The following TTC34 variants were observed in gnomAD, a reference collection of about 807,000 sequenced individuals.
The protein encoded by TTC34 is tetratricopeptide repeat domain 34, also known as tetratricopeptide repeat protein 34.
A neutral mutation model predicts 40.7 loss-of-function variants in TTC34; 44 were observed. The ratio of observed to expected loss-of-function variants is 1.08; its 90% confidence interval spans 0.85 to 1.39. The LOEUF (loss-of-function observed/expected upper bound fraction) is 1.39, where lower values mean the gene tolerates loss of function less well. Ranked by LOEUF, TTC34 falls within the 40% of genes most tolerant of loss-of-function variation. TTC34 has a pLI of 0.00. For missense variants in TTC34, 884 were observed against 838.0 expected, an observed-to-expected ratio of 1.05 and a Z score of -0.68; for synonymous variants, 422 against 398.6, an observed-to-expected ratio of 1.06 and a Z score of -0.70.
chr1:2,698,718 G>A (rs1162897338), intron 6 of TTC34, among the ~76,000 whole-genome samples: 1 of 133,528 alleles, frequency 7.5e-6, no homozygotes, highest in Non-Finnish European at 1.6e-5. Context: ...GCCTGGAGCA[G>A]CACCAACAAC....
chr1:2,800,273 G>A (rs867155112), exon 2 of TTC34: 2 of 398,558 alleles, frequency 5.0e-6, no homozygotes, highest in Non-Finnish European at 8.8e-6. Flanking sequence ...TGAGCAGCGC[G>A]GGGAGGTGGG....
At chr1:2,760,562 C>T (rs1641661501) in intron 6 of TTC34, among the ~76,000 whole-genome samples, 1 of 33,944 alleles carries the variant, frequency 2.9e-5, no homozygotes, top group Non-Finnish European at 4.4e-5. Flanking sequence ...GCAGCACCCA[C>T]ACACCCAGGT....
At chr1:2,774,021 A>AC (rs1642797294) in intron 6 of TTC34, 1 of 141,696 alleles carries the variant, frequency 7.1e-6, no homozygotes, top group African/African-American at 2.6e-5. Flanking sequence ...AGCACCCCGC[A>AC]CCCAGGCAAA....
intron 6 of TTC34, among the ~76,000 whole-genome samples, chr1:2,654,375 C>A (rs1355002035): frequency 7.8e-3 from 541 of 69,340 alleles, no homozygotes; most frequent in African/African-American, 0.038. Context: ...CCTGCACCCC[C>A]AGGTGAGCAT....
rs1641461724 is a variant in TTC34 at position 2,755,102 on chromosome 1, C to G, written c.2226+28507G>C. ...GACAGCCTGGAACAGCACACACACC[C>G]CCAGGCGAGCATCTGACGGCCTGGA... On this transcript the variant is annotated intron_variant, in intron 6 of 8. Transcript: ENST00000401095. 5.6e-5 allele frequency among the ~76,000 whole-genome samples: 4 copies of G among 71,838 alleles called. 1 individual carries two copies. The highest frequency in any genetic ancestry group is 9.5e-5 in the Non-Finnish European group (4 of 41,918). The allele number at this position is 71,838 out of a possible 152,430, so 47.1% of individuals were successfully genotyped here.
intron 6 of TTC34, among the ~76,000 whole-genome samples, chr1:2,687,347 C>T (rs1245284654): frequency 2.7e-5 from 4 of 148,338 alleles, no homozygotes; most frequent in Non-Finnish European, 5.9e-5. Context: ...CATCCGACAG[C>T]CTGGAGCAGC....
rs1643711231 is a variant in TTC34, at chr1:2,796,501, G to A, written c.784+3543C>T. On this transcript the variant is annotated intron_variant, in intron 2 of 8. Transcript: ENST00000401095. The surrounding 1 kb of genome is among the most constrained non-coding windows in gnomAD (Gnocchi z 4.5). ...CACCAGAGCCACGGCAGACACAGAC[G>A]AGCTTCCGGTGGCCTTCCTGGAGGA... Among the ~76,000 whole-genome samples, 1 of 152,110 alleles carries A rather than the reference G, an allele frequency of 6.6e-6. No individual in the cohort carries two copies. The highest frequency in any genetic ancestry group is 2.4e-5 in the African/African-American group (1 of 41,424).
chr1:2,789,597 G>A (rs557596918), exon 3 of TTC34: 4 of 1,410,150 alleles, frequency 2.8e-6, no homozygotes, highest in Middle Eastern at 2.0e-4. Flanking sequence ...AGCATCCCAC[G>A]GGCCTCCTCC....
chr1:2,749,261 T>A, intron 6 of TTC34, among the ~76,000 whole-genome samples: 1 of 79,062 alleles, frequency 1.3e-5, no homozygotes, highest in African/African-American at 1.0e-4. Context: ...GAGCATCTGA[T>A]GGTCTGGAGC....
At chr1:2,791,353 A>G (rs185568587) in intron 2 of TTC34, among the ~76,000 whole-genome samples, 210 of 152,326 alleles carry the variant, frequency 1.4e-3, no homozygotes, top group African/African-American at 4.8e-3. Flanking sequence ...GGTCCATCCC[A>G]GACCTCTGAA....
At chr1:2,699,321 GCA>G in intron 6 of TTC34, among the ~76,000 whole-genome samples, 1 of 135,518 alleles carries the variant, frequency 7.4e-6, no homozygotes, top group South Asian at 2.3e-4. Flanking sequence ...GCATGGAGCA[GCA>G]GCCACAACTC....
At position 2,783,793 on chromosome 1, in the gene TTC34, G is replaced by A; in HGVS notation, c.2060-18C>T. 6.7e-7 allele frequency: 1 copy of A among 1,481,526 alleles called. No individual in the cohort carries two copies. The highest frequency in any genetic ancestry group is 9.0e-7 in the Non-Finnish European group (1 of 1,110,430). 91.8% of individuals were successfully genotyped at this position (1,481,526 alleles called of 1,614,324 possible). A position where few individuals can be genotyped will look rare whatever the true frequency, so the allele number is the denominator to read the frequency against. On this transcript the variant is annotated intron_variant, in intron 5 of 8. Transcript: ENST00000401095. The stretch of plus-strand genomic sequence containing the variant: ...CTGGCTTCCTGCAGGAAGACGGCAT[G>A]GGGTCAGGATGAGCCTATGCTGGGT...
chr1:2,694,794 C>T (rs1426095573), intron 6 of TTC34, among the ~76,000 whole-genome samples: 1 of 80,106 alleles, frequency 1.2e-5, no homozygotes, highest in Admixed American at 1.2e-4. Context: ...ACCCACACAC[C>T]CAGGCGAGCA....
At chr1:2,785,381 C>T (rs1319932606) in intron 5 of TTC34, among the ~76,000 whole-genome samples, 1 of 152,196 alleles carries the variant, frequency 6.6e-6, no homozygotes, top group Non-Finnish European at 1.5e-5. Context: ...ACAGCACTGA[C>T]TCCAGGAAGC....
At chr1:2,686,508 A>G (rs1640356025) in intron 6 of TTC34, among the ~76,000 whole-genome samples, 1 of 133,100 alleles carries the variant, frequency 7.5e-6, no homozygotes, top group Non-Finnish European at 1.5e-5. Flanking sequence ...ACAGCCTCGA[A>G]CAGCACCCTG....
At chr1:2,769,656 G>T (rs1238139361) in intron 6 of TTC34, among the ~76,000 whole-genome samples, 1 of 138,830 alleles carries the variant, frequency 7.2e-6, no homozygotes, top group African/African-American at 2.8e-5. Flanking sequence ...TGACAGCCTG[G>T]AGCAGCACCC....
intron 6 of TTC34, among the ~76,000 whole-genome samples, chr1:2,781,636 G>A (rs138919378): frequency 7.6e-4 from 116 of 152,216 alleles, no homozygotes; most frequent in African/African-American, 2.7e-3. Context: ...TTTCATCATT[G>A]AGTATGATGT....
chr1:2,695,054 CA>C (rs1195834141), intron 6 of TTC34, among the ~76,000 whole-genome samples: 1 of 61,796 alleles, frequency 1.6e-5, no homozygotes, highest in Non-Finnish European at 3.6e-5. Context: ...GCATCTGACA[CA>C]CTGAAACAGC....
intron 2 of TTC34, 113 bp downstream of exon 2, chr1:2,799,931 C>T (rs1337078835): frequency 5.0e-6 from 2 of 397,834 alleles, no homozygotes; most frequent in Admixed American, 4.4e-5. Flanking sequence ...GTCACTGAGG[C>T]ACCCCAGCCC....
Sources: gnomAD v4.1 joint callset for allele counts (sites outside exome capture counted in the v4.1 genomes callset) on GRCh38, gnomAD v4.1.1 for gene constraint, Gnocchi (gnomAD v3.1) non-coding constraint, MANE v1.5 for transcripts, NCBI Gene and HGNC (gene_info 2026-07-23, HGNC 2026-07-21) for gene names.